The following KCNMA1 variants were observed in gnomAD, a reference collection of about 807,000 sequenced individuals.
The protein encoded by KCNMA1 is potassium calcium-activated channel subfamily M alpha 1.
A neutral mutation model predicts 140.0 loss-of-function variants in KCNMA1; 29 were observed. The ratio of observed to expected loss-of-function variants is 0.21; its 90% CI spans 0.15 to 0.28. The LOEUF (loss-of-function observed/expected upper bound fraction) is 0.28. KCNMA1 is among the 10% of genes least tolerant of loss of function. The pLI, the probability that KCNMA1 is intolerant of heterozygous loss-of-function variation, is 1.00. For missense variants in KCNMA1, 880 were observed against 1,602.2 expected (o/e 0.55, Z 7.70); for synonymous variants, 612 against 611.9 (o/e 1.00, Z 0.00).
At chr10:77,382,584 G>A (rs1047652942) in intron 2 of KCNMA1, among the ~76,000 whole-genome samples, 2 of 152,006 alleles carry the variant, frequency 1.3e-5, no homozygotes, top group African/African-American at 2.4e-5. Context: ...TCCAAGTGGG[G>A]CCGGGCATGG....
intron 3 of KCNMA1, among the ~76,000 whole-genome samples, chr10:77,211,299 C>G (rs773899726): frequency 6.6e-6 from 1 of 151,976 alleles, no homozygotes; most frequent in South Asian, 2.1e-4. Context: ...GAAATAAAGC[C>G]GCACATCTAG....
intron 12 of KCNMA1, among the ~76,000 whole-genome samples, chr10:77,080,599 A>G (rs2096541006): frequency 6.6e-6 from 1 of 152,182 alleles, no homozygotes; most frequent in South Asian, 2.1e-4. Flanking sequence ...CCTGGGCATG[A>G]AAAATTTGAG....
chr10:77,029,073 T>C (rs2153532973), intron 15 of KCNMA1, among the ~76,000 whole-genome samples: 1 of 152,146 alleles, frequency 6.6e-6, no homozygotes, highest in African/African-American at 2.4e-5. Flanking sequence ...GACATGAACA[T>C]GTAAATAGAA....
intron 1 of KCNMA1, among the ~76,000 whole-genome samples, chr10:77,404,465 A>T (rs1363753651): frequency 6.6e-6 from 1 of 152,098 alleles, no homozygotes; most frequent in Non-Finnish European, 1.5e-5. Context: ...TTTTTAGTAG[A>T]GAGGGTTTCA....
chr10:77,326,217 T>C (rs937083301), intron 2 of KCNMA1, among the ~76,000 whole-genome samples: 1 of 152,160 alleles, frequency 6.6e-6, no homozygotes, highest in African/African-American at 2.4e-5. Context: ...GTCTTCCTCA[T>C]CTCATCTGTT....
intron 1 of KCNMA1, among the ~76,000 whole-genome samples, chr10:77,448,158 G>T (rs570134937): frequency 2.2e-4 from 34 of 152,128 alleles, no homozygotes; most frequent in Non-Finnish European, 4.3e-4. Context: ...TACTCAAAAA[G>T]TAGGACAACC....
At chr10:77,117,115 T>C (rs1230743191) in intron 6 of KCNMA1, among the ~76,000 whole-genome samples, 4 of 152,178 alleles carry the variant, frequency 2.6e-5, no homozygotes, top group Non-Finnish European at 5.9e-5. Context: ...ATGCATATCA[T>C]GGAATGCTAT....
intron 1 of KCNMA1, chr10:77,634,662 G>A (rs2093561279): frequency 2.0e-6 from 2 of 985,070 alleles, no homozygotes; most frequent in Admixed American, 6.2e-5. Flanking sequence ...GGCAGCCTAT[G>A]TTTTCTTGGG....
chr10:77,351,301 A>G (rs942379835), intron 2 of KCNMA1, among the ~76,000 whole-genome samples: 2 of 152,250 alleles, frequency 1.3e-5, no homozygotes, highest in African/African-American at 4.8e-5. Context: ...GGAAGCCACA[A>G]TTAACTCAAG....
chr10:77,622,411 A>G (rs2091622601), intron 1 of KCNMA1, among the ~76,000 whole-genome samples: 1 of 152,206 alleles, frequency 6.6e-6, no homozygotes, highest in Non-Finnish European at 1.5e-5. Flanking sequence ...TCCACAGCCC[A>G]CCTGCCTGGA....
intron 22 of KCNMA1, among the ~76,000 whole-genome samples, chr10:76,947,338 A>AAAAC (rs976129080): frequency 1.3e-5 from 2 of 152,142 alleles, no homozygotes; most frequent in African/African-American, 2.4e-5. Context: ...ACTTGGACTC[A>AAAAC]AAACAAACAA....
At chr10:77,623,774 GAAGAAACAAA>G (rs2091988550) in intron 1 of KCNMA1, among the ~76,000 whole-genome samples, 1 of 151,860 alleles carries the variant, frequency 6.6e-6, no homozygotes, top group African/African-American at 2.4e-5. Flanking sequence ...CTATAGTACA[GAAGAAACAAA>G]ATGTACAAGT....
At chr10:77,328,153 G>T (rs1201006307) in intron 2 of KCNMA1, among the ~76,000 whole-genome samples, 2 of 152,158 alleles carry the variant, frequency 1.3e-5, no homozygotes, top group African/African-American at 2.4e-5. Context: ...AAGATTTGTT[G>T]TTGGGAATTA....
intron 2 of KCNMA1, among the ~76,000 whole-genome samples, chr10:77,265,132 A>ATGAGGTATTTTTTTTTTT (rs1555103410): frequency 1.3e-5 from 2 of 152,184 alleles, no homozygotes; most frequent in Non-Finnish European, 2.9e-5. Context: ...TCTCACTGCA[A>ATGAGGTATTTTTTTTTTT]CTTCTGCCTC....
chr10:77,314,945 C>T (rs1196267089), intron 2 of KCNMA1, among the ~76,000 whole-genome samples: 2 of 151,756 alleles, frequency 1.3e-5, no homozygotes, highest in East Asian at 3.9e-4. Flanking sequence ...CACACACACA[C>T]ACACACACAC....
intron 18 of KCNMA1, among the ~76,000 whole-genome samples, chr10:77,010,937 C>T (rs1370350780): frequency 6.6e-6 from 1 of 151,962 alleles, no homozygotes; most frequent in Admixed American, 6.6e-5. Context: ...TCAATAGAGG[C>T]CTTCAGGTGT....
At chr10:76,933,530 G>A (rs558002326) in intron 23 of KCNMA1, among the ~76,000 whole-genome samples, 4 of 152,242 alleles carry the variant, frequency 2.6e-5, no homozygotes, top group East Asian at 3.9e-4. Context: ...AAAAACACTC[G>A]GCCTTTCCTG....
intron 23 of KCNMA1, among the ~76,000 whole-genome samples, chr10:76,926,653 G>A (rs1229157078): frequency 6.6e-6 from 1 of 152,072 alleles, no homozygotes; most frequent in Non-Finnish European, 1.5e-5. Flanking sequence ...AGATTACCGT[G>A]CATCATACAT....
At chr10:77,279,132 C>T (rs573346570) in intron 2 of KCNMA1, among the ~76,000 whole-genome samples, 37 of 152,080 alleles carry the variant, frequency 2.4e-4, no homozygotes, top group Non-Finnish European at 4.6e-4. Context: ...CATTAAGCTT[C>T]GACAAGACCA....
Sources: gnomAD v4.1 joint callset for allele counts (sites outside exome capture counted in the v4.1 genomes callset) on GRCh38, gnomAD v4.1.1 for gene constraint, MANE v1.5 for transcripts, NCBI Gene and HGNC (gene_info 2026-07-23, HGNC 2026-07-21) for gene names.